Variants in SLC35F3 observed in about 807,000 individuals in gnomAD.
SLC35F3 encodes the protein solute carrier family 35 member F3.
Under a neutral mutation model 49.9 loss-of-function variants are expected in SLC35F3, and 25 were observed. That is an observed-to-expected ratio of 0.50 (90% CI 0.37 to 0.70). The LOEUF is 0.70. Among genes scored for constraint, SLC35F3 ranks in the 30% least tolerant of loss-of-function variants. The pLI is 0.00. For missense variants in SLC35F3, 525 were observed against 639.8 expected (o/e 0.82, Z 1.94); for synonymous variants, 275 against 265.4 (o/e 1.04, Z -0.35).
intron 3 of SLC35F3, among the ~76,000 whole-genome samples, chr1:234,275,870 A>G (rs1160952046): frequency 6.6e-6 from 1 of 152,148 alleles, no homozygotes; most frequent in African/African-American, 2.4e-5. Flanking sequence ...CTGTGCACAT[A>G]TTAAATAATG....
chr1:234,104,379 A>G (rs1386210623), intron 2 of SLC35F3, among the ~76,000 whole-genome samples: 1 of 152,230 alleles, frequency 6.6e-6, no homozygotes, highest in East Asian at 1.9e-4. Flanking sequence ...TAAAGAAAGA[A>G]AAATCAGCCC....
rs1268428657 is a variant in SLC35F3 at position 233,957,158 on chromosome 1, C to A, written c.283+51400C>A. Among the ~76,000 whole-genome samples the A allele has an allele frequency of 1.3e-5, 2 of 152,158 alleles. No individual in the cohort carries two copies. The highest frequency in any genetic ancestry group is 2.9e-5 in the Non-Finnish European group (2 of 68,026). On this transcript the variant is annotated intron_variant, in intron 2 of 7. Transcript: ENST00000366618. The surrounding 1 kb of genome is among the most constrained non-coding windows in gnomAD (Gnocchi z 4.0). ...GTAGGAGAAGAATAAAAGCTCTCACCCCTATTCCAAGACCTGGATCACAGT... is the reference window on the plus strand; with the variant it reads ...GTAGGAGAAGAATAAAAGCTCTCACACCTATTCCAAGACCTGGATCACAGT...
chr1:234,017,170 A>T (rs1558206269), intron 2 of SLC35F3, among the ~76,000 whole-genome samples: 1 of 152,198 alleles, frequency 6.6e-6, no homozygotes, highest in Non-Finnish European at 1.5e-5. Flanking sequence ...ATTAGTGAAT[A>T]CTGAACAGTT....
At chr1:234,138,259 TGTG>T (rs1234295515) in intron 2 of SLC35F3, among the ~76,000 whole-genome samples, 1 of 152,196 alleles carries the variant, frequency 6.6e-6, no homozygotes, top group Non-Finnish European at 1.5e-5. Flanking sequence ...TCTCAGAAGT[TGTG>T]GTGAGGATTA....
chr1:233,960,317 G>A (rs547068606), intron 2 of SLC35F3, among the ~76,000 whole-genome samples: 5 of 152,276 alleles, frequency 3.3e-5, no homozygotes, highest in Admixed American at 3.3e-4. Context: ...GACACAGTGA[G>A]GAAGCTCCTC....
At chr1:234,275,669 C>A (rs1422684049) in intron 3 of SLC35F3, among the ~76,000 whole-genome samples, 1 of 151,482 alleles carries the variant, frequency 6.6e-6, no homozygotes, top group Non-Finnish European at 1.5e-5. Context: ...TCACTCAGGT[C>A]CTGACCTCAG....
At chr1:233,931,365 AG>A (rs1260477428) in intron 2 of SLC35F3, among the ~76,000 whole-genome samples, 1 of 152,238 alleles carries the variant, frequency 6.6e-6, no homozygotes, top group Non-Finnish European at 1.5e-5. Flanking sequence ...ACAGAATGGG[AG>A]AAAATTTTTA....
chr1:234,281,109 T>G (rs894390648), intron 3 of SLC35F3, among the ~76,000 whole-genome samples: 18 of 151,960 alleles, frequency 1.2e-4, no homozygotes, highest in African/African-American at 4.4e-4. Flanking sequence ...ATTCATATGC[T>G]GAAGCCCTAA....
At chr1:234,053,142 C>T (rs181326244) in intron 2 of SLC35F3, among the ~76,000 whole-genome samples, 10 of 152,186 alleles carry the variant, frequency 6.6e-5, no homozygotes, top group Admixed American at 4.6e-4. Flanking sequence ...GTTCTGTAGA[C>T]GTCTATTAGG....
intron 2 of SLC35F3, among the ~76,000 whole-genome samples, chr1:234,004,464 T>G (rs1572016260): frequency 2.0e-5 from 3 of 152,294 alleles, no homozygotes; most frequent in South Asian, 4.1e-4. Context: ...TAAAGGTAGT[T>G]AATGACACTC....
At chr1:233,935,625 C>T (rs1264329806) in intron 2 of SLC35F3, among the ~76,000 whole-genome samples, 1 of 152,128 alleles carries the variant, frequency 6.6e-6, no homozygotes, top group East Asian at 1.9e-4. Context: ...TCCCCAGCAG[C>T]AACTATCTGA....
At chr1:233,977,441 C>T (rs1663109413) in intron 2 of SLC35F3, among the ~76,000 whole-genome samples, 1 of 152,172 alleles carries the variant, frequency 6.6e-6, no homozygotes, top group Non-Finnish European at 1.5e-5. Context: ...GCTCTCTCAC[C>T]TCCCAATGTG....
At chr1:234,098,622 GTAT>G (rs1357468914) in intron 2 of SLC35F3, among the ~76,000 whole-genome samples, 2 of 150,316 alleles carry the variant, frequency 1.3e-5, no homozygotes, top group South Asian at 2.1e-4. Context: ...GGTGGTGACT[GTAT>G]TGGTGGTGGT....
At chr1:234,084,017 T>C (rs1299021896) in intron 2 of SLC35F3, among the ~76,000 whole-genome samples, 2 of 152,064 alleles carry the variant, frequency 1.3e-5, no homozygotes, top group Non-Finnish European at 2.9e-5. Flanking sequence ...TTTTGTATTC[T>C]TAGTAGAGAT....
chr1:234,078,481 A>G (rs755425887), intron 2 of SLC35F3, among the ~76,000 whole-genome samples: 13 of 152,166 alleles, frequency 8.5e-5, no homozygotes, highest in Non-Finnish European at 1.5e-4. Flanking sequence ...CAGTGAACTC[A>G]TCTTCCGCAA....
At chr1:234,053,317 T>A (rs1473098260) in intron 2 of SLC35F3, among the ~76,000 whole-genome samples, 1 of 152,210 alleles carries the variant, frequency 6.6e-6, no homozygotes, top group African/African-American at 2.4e-5. Flanking sequence ...TGAATCTGGG[T>A]GCTCCTGTAT....
At chr1:234,052,726 T>C (rs541691853) in intron 2 of SLC35F3, among the ~76,000 whole-genome samples, 18 of 152,238 alleles carry the variant, frequency 1.2e-4, no homozygotes, top group Non-Finnish European at 2.1e-4. Flanking sequence ...TTAATTGTGA[T>C]ATTAAGGTGT....
intron 2 of SLC35F3, among the ~76,000 whole-genome samples, chr1:234,102,310 G>A (rs1384875197): frequency 6.6e-6 from 1 of 152,176 alleles, no homozygotes; most frequent in Non-Finnish European, 1.5e-5. Flanking sequence ...CCCGGATCAG[G>A]TTTGTTTGGA....
intron 2 of SLC35F3, among the ~76,000 whole-genome samples, chr1:234,131,287 A>G (rs778807906): frequency 2.4e-4 from 36 of 152,212 alleles, no homozygotes; most frequent in Middle Eastern, 3.4e-3. Context: ...AAAATATGGG[A>G]AATAATTAAG....
Sources: gnomAD v4.1 joint callset for allele counts (sites outside exome capture counted in the v4.1 genomes callset) on GRCh38, gnomAD v4.1.1 for gene constraint, Gnocchi (gnomAD v3.1) non-coding constraint, MANE v1.5 for transcripts, NCBI Gene and HGNC (gene_info 2026-07-23, HGNC 2026-07-21) for gene names.